The following AGBL4 variants were observed in gnomAD, a reference collection of about 807,000 sequenced individuals.
The protein encoded by AGBL4 is cytosolic carboxypeptidase 6.
Under a neutral mutation model 66.4 loss-of-function variants are expected in AGBL4, and 58 were observed. The ratio of observed to expected loss-of-function variants is 0.87; its 90% confidence interval spans 0.71 to 1.09. AGBL4 has a LOEUF of 1.09. Among genes scored for constraint, AGBL4 ranks in the 50% least tolerant of loss-of-function variants. The probability of loss-of-function intolerance (pLI) is 0.00; values close to 1 mark genes in which losing one functional copy is unlikely to be tolerated. For missense variants in AGBL4, 579 were observed against 631.0 expected (o/e 0.92, Z 0.88); for synonymous variants, 234 against 222.9 (o/e 1.05, Z -0.44).
intron 1 of AGBL4, among the ~76,000 whole-genome samples, chr1:49,982,729 T>TA (rs1465442505): frequency 6.6e-6 from 1 of 151,926 alleles, no homozygotes; most frequent in Admixed American, 6.5e-5. Context: ...CTGAACCCCA[T>TA]AAAAACCCCA....
At chr1:48,784,069 A>G (rs762353241) in intron 6 of AGBL4, among the ~76,000 whole-genome samples, 5 of 152,102 alleles carry the variant, frequency 3.3e-5, no homozygotes, top group Non-Finnish European at 5.9e-5. Flanking sequence ...AGTAACGTCT[A>G]TTCTTATGGT....
intron 9 of AGBL4, among the ~76,000 whole-genome samples, chr1:48,611,137 T>C (rs1033541355): frequency 1.3e-5 from 2 of 152,186 alleles, no homozygotes; most frequent in Admixed American, 1.3e-4. Flanking sequence ...CTGATATCTG[T>C]TTGTGAAAAA....
chr1:48,562,416 T>C (rs1347547480), intron 11 of AGBL4, among the ~76,000 whole-genome samples: 1 of 152,188 alleles, frequency 6.6e-6, no homozygotes, highest in African/African-American at 2.4e-5. Flanking sequence ...CTTCTCCTCT[T>C]ATTGAAGGCT....
At chr1:48,541,683 C>T (rs1269588168) in intron 11 of AGBL4, among the ~76,000 whole-genome samples, 1 of 152,106 alleles carries the variant, frequency 6.6e-6, no homozygotes, top group Non-Finnish European at 1.5e-5. Flanking sequence ...GCAGGAGGCT[C>T]GCTTGAACCC....
chr1:48,742,893 T>C (rs1650137802), intron 6 of AGBL4: 2 of 938,238 alleles, frequency 2.1e-6, no homozygotes, highest in Non-Finnish European at 3.0e-6. Context: ...TTTTGTCCAT[T>C]GAACTACACT....
chr1:48,817,985 T>C, intron 6 of AGBL4: 1 of 701,122 alleles, frequency 1.4e-6, no homozygotes, highest in East Asian at 2.7e-5. Flanking sequence ...AGTGACTTCT[T>C]AAGCACCTGA....
intron 3 of AGBL4, among the ~76,000 whole-genome samples, chr1:49,610,988 A>G (rs753086560): frequency 6.6e-5 from 10 of 152,212 alleles, no homozygotes; most frequent in Non-Finnish European, 1.3e-4. Context: ...ACCAGGGATA[A>G]GGAAGTACTG....
intron 3 of AGBL4, among the ~76,000 whole-genome samples, chr1:49,459,898 A>G (rs1646474088): frequency 6.6e-6 from 1 of 151,604 alleles, no homozygotes; most frequent in South Asian, 2.1e-4. Context: ...TTAAATTTCC[A>G]TCTTGATTTT....
At chr1:49,104,330 C>T (rs1314544199) in intron 4 of AGBL4, among the ~76,000 whole-genome samples, 2 of 152,062 alleles carry the variant, frequency 1.3e-5, no homozygotes, top group Non-Finnish European at 2.9e-5. Context: ...GACTGAATCT[C>T]CTTGAGGGAA....
intron 5 of AGBL4, among the ~76,000 whole-genome samples, chr1:48,962,094 A>AT: frequency 7.5e-6 from 1 of 132,746 alleles, no homozygotes; most frequent in East Asian, 2.2e-4. Flanking sequence ...CACTTAAAAG[A>AT]TCCCATCCAT....
chr1:49,180,660 C>G (rs754499658), intron 4 of AGBL4, among the ~76,000 whole-genome samples: 4 of 152,152 alleles, frequency 2.6e-5, no homozygotes, highest in Non-Finnish European at 5.9e-5. Context: ...AGATGGGAAT[C>G]AAATTGCCCA....
intron 5 of AGBL4, among the ~76,000 whole-genome samples, chr1:48,940,253 C>A (rs747306430): frequency 6.6e-6 from 1 of 152,172 alleles, no homozygotes; most frequent in Non-Finnish European, 1.5e-5. Flanking sequence ...TGGCACACGC[C>A]TGTAATCCCA....
chr1:48,772,770 T>C (rs1644900171), intron 6 of AGBL4, among the ~76,000 whole-genome samples: 1 of 152,156 alleles, frequency 6.6e-6, no homozygotes, highest in Non-Finnish European at 1.5e-5. Flanking sequence ...ATAGTTTAGA[T>C]AAGAGCTGAT....
chr1:48,676,014 A>C (rs951236383), intron 6 of AGBL4, among the ~76,000 whole-genome samples: 1 of 152,112 alleles, frequency 6.6e-6, no homozygotes, highest in East Asian at 1.9e-4. Flanking sequence ...TCCTCGAAAA[A>C]ACTCCTAGGA....
At chr1:48,675,986 T>A (rs1646358621) in intron 6 of AGBL4, among the ~76,000 whole-genome samples, 1 of 152,212 alleles carries the variant, frequency 6.6e-6, no homozygotes, top group Admixed American at 6.5e-5. Context: ...GGTGTTTTTA[T>A]AGAATGCCAT....
Position 49,970,757 on chromosome 1 carries a change from A to ACACACACACAAAC in AGBL4, c.34+53005_34+53006insGTTTGTGTGTGTG, listed in dbSNP as rs1557629112. ...CACACACACACACACATACACAAACAAAAAAAAAAAACAGAACGGTGCCCA... is the reference window on the plus strand; with the variant it reads ...CACACACACACACACATACACAAACACACACACACAAACAAAAAAAAAAACAGAACGGTGCCCA... On this transcript the variant is annotated intron_variant, in intron 1 of 13. Transcript: ENST00000371839. Among the ~76,000 whole-genome samples the ACACACACACAAAC allele has an allele frequency of 7.0e-4, 6 of 8,616 alleles. No individual in the cohort carries two copies. The Admixed American group carries it at 0.016, about 24-fold the overall frequency. 5.7% of individuals were successfully genotyped at this position (8,616 alleles called of 152,430 possible). A position where few individuals can be genotyped will look rare whatever the true frequency, so the allele number is the denominator to read the frequency against.
At chr1:49,226,214 G>T (rs1649896994) in intron 4 of AGBL4, among the ~76,000 whole-genome samples, 1 of 152,114 alleles carries the variant, frequency 6.6e-6, no homozygotes, top group East Asian at 1.9e-4. Flanking sequence ...CAGCCTTAAT[G>T]CATAGTGAGA....
chr1:49,297,161 T>A (rs781270853), intron 3 of AGBL4, among the ~76,000 whole-genome samples: 1 of 152,240 alleles, frequency 6.6e-6, no homozygotes, highest in Non-Finnish European at 1.5e-5. Flanking sequence ...TTGTCTCACA[T>A]CTGGCCAAGA....
At chr1:48,525,669 T>C in the AGBL4 span, among the ~76,000 whole-genome samples, 1 of 152,206 alleles carries the variant, frequency 6.6e-6, no homozygotes, top group African/African-American at 2.4e-5. Context: ...CTGGGGTTAC[T>C]CCATCCAGGA....
Sources: gnomAD v4.1 joint callset for allele counts (sites outside exome capture counted in the v4.1 genomes callset) on GRCh38, gnomAD v4.1.1 for gene constraint, MANE v1.5 for transcripts, NCBI Gene and HGNC (gene_info 2026-07-23, HGNC 2026-07-21) for gene names.